CDH23: variants seen among roughly 807,000 people sequenced by gnomAD.
The protein encoded by CDH23 is cadherin related 23, also known as cadherin-23.
In CDH23, 189 loss-of-function variants were observed where a neutral mutation model predicts 317.1. That is an observed-to-expected ratio of 0.60 (90% CI 0.53 to 0.67). The LOEUF is 0.67. CDH23 is among the 30% of genes least tolerant of loss of function. CDH23 has a pLI of 0.00. For missense variants in CDH23, 4,401 were observed against 4,592.4 expected, an observed-to-expected ratio of 0.96 and a Z score of 1.20; for synonymous variants, 1,839 against 1,876.8, an observed-to-expected ratio of 0.98 and a Z score of 0.52.
At chr10:71,745,019 T>C (rs9415991) in intron 38 of CDH23, among the ~76,000 whole-genome samples, 112,364 of 152,290 alleles carry the variant, frequency 0.74, 41,822 homozygotes, top group Non-Finnish European at 0.8. Context: ...GCAGTGACCA[T>C]AGGGACATAG....
intron 31 of CDH23, among the ~76,000 whole-genome samples, chr10:71,731,579 C>G (rs369308421): frequency 6.6e-6 from 1 of 152,134 alleles, no homozygotes; most frequent in East Asian, 1.9e-4. Context: ...GCCCTTCTGT[C>G]GAAGGGACCA....
At chr10:71,418,439 G>A (rs1210470538) in intron 1 of CDH23, among the ~76,000 whole-genome samples, 1 of 152,006 alleles carries the variant, frequency 6.6e-6, no homozygotes. Flanking sequence ...ACTCTCCAGG[G>A]GTCTGAGTTC....
intron 15 of CDH23, 121 bp downstream of exon 15, chr10:71,675,297 G>A: frequency 1.3e-6 from 1 of 790,062 alleles, no homozygotes; most frequent in South Asian, 1.6e-5. Flanking sequence ...TGTGGCTAGA[G>A]CACTGGACTG....
intron 28 of CDH23, among the ~76,000 whole-genome samples, chr10:71,723,561 A>G (rs570399851): frequency 1.3e-5 from 2 of 152,350 alleles, no homozygotes; most frequent in South Asian, 4.1e-4. Context: ...CTGGGCTTCC[A>G]CGAAGTGACC....
intron 9 of CDH23, among the ~76,000 whole-genome samples, chr10:71,596,534 G>C (rs548648557): frequency 6.6e-6 from 1 of 152,234 alleles, no homozygotes; most frequent in East Asian, 1.9e-4. Context: ...CCATATGGTT[G>C]GTAAAGTGAT....
rs772201064 is a variant in CDH23, at chr10:71,702,740, G to C, written c.2733+46G>C. Reference sequence around the variant, plus strand: ...TCCTACCAGCCCAGAGGTGGGCAGTGGGTGCCTGAGGAGCCTAGCCCAGGC... The same window carrying C: ...TCCTACCAGCCCAGAGGTGGGCAGTCGGTGCCTGAGGAGCCTAGCCCAGGC... On this transcript the variant is annotated intron_variant, in intron 24 of 69. Coordinates refer to ENST00000224721, the MANE Select transcript of CDH23 (RefSeq NM_022124.6). 1.6e-5 allele frequency: 26 copies of C among 1,609,816 alleles called. No homozygotes were observed. The South Asian group carries it at 2.7e-4, about 17-fold the overall frequency.
chr10:71,659,889 G>A (rs920184527), intron 14 of CDH23, among the ~76,000 whole-genome samples: 3 of 151,564 alleles, frequency 2.0e-5, no homozygotes, highest in Non-Finnish European at 2.9e-5. Context: ...TAAAGACCGC[G>A]TCCTCCAGAC....
intron 6 of CDH23, among the ~76,000 whole-genome samples, chr10:71,533,558 C>T (rs1855530553): frequency 6.6e-6 from 1 of 151,500 alleles, no homozygotes; most frequent in Non-Finnish European, 1.5e-5. Flanking sequence ...CACACACACA[C>T]ACACACACAC....
intron 9 of CDH23, among the ~76,000 whole-genome samples, chr10:71,611,779 T>C (rs752929485): frequency 6.6e-6 from 1 of 152,222 alleles, no homozygotes; most frequent in Non-Finnish European, 1.5e-5. Flanking sequence ...CAGCGAGTAC[T>C]TACACTTTCA....
At chr10:71,812,938 G>A (rs1299436484) in intron 68 of CDH23, 48 bp downstream of exon 68, 2 of 1,605,088 alleles carry the variant, frequency 1.2e-6, no homozygotes, top group Admixed American at 1.7e-5. Context: ...GCTGAGGTTG[G>A]ACCCCACTCC....
rs953494156 is a variant in CDH23, at chr10:71,815,360, C to CG, written c.*89dup. The CG allele has an allele frequency of 3.7e-5, 49 of 1,325,862 alleles. No individual in the cohort carries two copies. The highest frequency in any genetic ancestry group is 6.3e-5 in the South Asian group (4 of 63,998). 82.1% of individuals were successfully genotyped at this position (1,325,862 alleles called of 1,614,324 possible). On this transcript the variant is annotated 3_prime_UTR_variant, in exon 70 of 70. Transcript: ENST00000224721. ...GAGCAAGGGCAGGGACAGGGCCGGT[C>CG]GGGGGGGACCCTCCAAGGCCAGGCC... is the stretch of plus-strand genomic sequence containing the variant.
chr10:71,812,041 G>C, intron 66 of CDH23, 26 bp downstream of exon 66: 1 of 1,613,948 alleles, frequency 6.2e-7, no homozygotes, highest in Non-Finnish European at 8.5e-7. Context: ...GCCCTGCCCG[G>C]TCCCCTGCGG....
At chr10:71,627,551 C>G (rs923606389) in intron 11 of CDH23, among the ~76,000 whole-genome samples, 1 of 152,328 alleles carries the variant, frequency 6.6e-6, no homozygotes, top group Middle Eastern at 3.4e-3. Context: ...CTATTTACGC[C>G]AAGCCCTGTA....
intron 35 of CDH23, among the ~76,000 whole-genome samples, chr10:71,739,130 A>G (rs1433534851): frequency 6.6e-6 from 1 of 151,814 alleles, no homozygotes; most frequent in Non-Finnish European, 1.5e-5. Flanking sequence ...CATGGCTTGC[A>G]TGGTCTAGGG....
chr10:71,716,176 C>T (rs755178412), intron 28 of CDH23: 2 of 1,551,024 alleles, frequency 1.3e-6, no homozygotes, highest in South Asian at 2.4e-5. Flanking sequence ...GCGTCATGAA[C>T]AGCAGACAGG....
intron 9 of CDH23, among the ~76,000 whole-genome samples, chr10:71,609,016 G>A (rs180782370): frequency 9.9e-5 from 15 of 152,226 alleles, no homozygotes; most frequent in East Asian, 3.9e-4. Flanking sequence ...ACTGCTTTTC[G>A]CCCAGACCCA....
intron 30 of CDH23, among the ~76,000 whole-genome samples, chr10:71,727,145 A>T (rs1866850594): frequency 6.6e-6 from 1 of 152,230 alleles, no homozygotes; most frequent in African/African-American, 2.4e-5. Context: ...TAATAGCCTT[A>T]TGAAGTAGGC....
At chr10:71,755,630 G>A (rs1032388980) in intron 38 of CDH23, among the ~76,000 whole-genome samples, 8 of 152,084 alleles carry the variant, frequency 5.3e-5, no homozygotes, top group Non-Finnish European at 1.0e-4. Flanking sequence ...AAGATAAGGC[G>A]GTTCTCCTTT....
intron 1 of CDH23, among the ~76,000 whole-genome samples, chr10:71,429,688 T>A (rs1426748538): frequency 1.3e-5 from 2 of 152,150 alleles, no homozygotes; most frequent in African/African-American, 4.8e-5. Flanking sequence ...GAAGGTATCG[T>A]GACTGACTGG....
Sources: allele counts gnomAD v4.1 joint callset (sites outside exome capture counted in the v4.1 genomes callset), GRCh38; gene constraint gnomAD v4.1.1; transcripts MANE v1.5; gene names NCBI Gene and HGNC (gene_info 2026-07-23, HGNC 2026-07-21).